The following USP25 variants were observed in gnomAD, a reference collection of about 807,000 sequenced individuals.
USP25 encodes ubiquitin carboxyl-terminal hydrolase 25.
In USP25, 85 loss-of-function variants were observed where a neutral mutation model predicts 158.5. That is an observed-to-expected ratio of 0.54 (90% CI 0.45 to 0.64). USP25 has a LOEUF of 0.64. Ranked by LOEUF, USP25 falls within the 30% of genes least tolerant of loss-of-function variation. The pLI is 0.00. For synonymous variants in USP25, 464 were observed against 460.4 expected, an observed-to-expected ratio of 1.01 and a Z score of -0.10; for missense variants, 1,242 against 1,327.3, an observed-to-expected ratio of 0.94 and a Z score of 1.00.
chr21:15,797,978 GA>G lies in USP25; in HGVS notation c.556-1771del, dbSNP rs537036436. Among the ~76,000 whole-genome samples, 48 of 150,894 alleles carry G rather than the reference GA, an allele frequency of 3.2e-4. 1 individual carries two copies. In the East Asian group the frequency reaches 7.6e-3, roughly 24 times the overall value. On this transcript the variant is annotated intron_variant, in intron 5 of 25. Transcript: ENST00000400183. ...AATTTAGCCATTATAGGCATGCAAGGAAAAAAAACATAATATATATGGAGTT... is the reference window on the plus strand; with the variant it reads ...AATTTAGCCATTATAGGCATGCAAGGAAAAAAACATAATATATATGGAGTT...
At chr21:15,857,305 CG>C (rs2039199902) in intron 20 of USP25, among the ~76,000 whole-genome samples, 2 of 152,084 alleles carry the variant, frequency 1.3e-5, no homozygotes, top group Non-Finnish European at 2.9e-5. Context: ...TTTTCAATAT[CG>C]TGAACATTTT....
chr21:15,747,744 A>G lies in USP25; in HGVS notation c.46-15147A>G, dbSNP rs149250196. ...TGTGGGTGGCATGGAGTGAGATTTCATTATGCACAGCACTCAGTCAGAATA... is the reference window on the plus strand; with the variant it reads ...TGTGGGTGGCATGGAGTGAGATTTCGTTATGCACAGCACTCAGTCAGAATA... On this transcript the variant is annotated intron_variant, in intron 1 of 25. Transcript: ENST00000400183. Among the ~76,000 whole-genome samples the G allele has an allele frequency of 4.7e-3, 715 of 152,314 alleles. 4 individuals carry two copies. Among genetic ancestry groups the G allele is most frequent in the Non-Finnish European group, 8.0e-3 (541 of 68,014 alleles).
intron 20 of USP25, among the ~76,000 whole-genome samples, chr21:15,854,452 G>GT (rs377105382): frequency 2.9e-3 from 442 of 150,900 alleles, no homozygotes; most frequent in Middle Eastern, 0.017. Flanking sequence ...CCGTGTTTTT[G>GT]TTTTTTTTTA....
chr21:15,778,098 A>C, intron 4 of USP25, 71 bp downstream of exon 4: 1 of 1,363,090 alleles, frequency 7.3e-7, no homozygotes, highest in South Asian at 1.7e-5. Context: ...GGGTTAAATT[A>C]ATTTTAAGAG....
intron 17 of USP25, among the ~76,000 whole-genome samples, chr21:15,834,255 A>G (rs1007187137): frequency 1.3e-5 from 2 of 152,206 alleles, no homozygotes; most frequent in African/African-American, 4.8e-5. Flanking sequence ...AAAATTGAAA[A>G]TATATTGTCT....
Position 15,849,890 on chromosome 21 carries a change from A to T in USP25, c.2547+18A>T. The T allele has an allele frequency of 7.0e-7, 1 of 1,438,660 alleles. No homozygotes were observed. Among genetic ancestry groups the T allele is most frequent in the Non-Finnish European group, 9.2e-7 (1 of 1,081,676 alleles). 89.1% of individuals were successfully genotyped at this position (1,438,660 alleles called of 1,614,324 possible). A position where few individuals can be genotyped will look rare whatever the true frequency, so the allele number is the denominator to read the frequency against. On this transcript the variant is annotated intron_variant, in intron 20 of 25. Coordinates refer to ENST00000400183, the MANE Select transcript of USP25 (RefSeq NM_001283041.3). ...TCTTTAAGGTACAATGAACATTTTC[A>T]TTTTCGTGTCTTTTCTTTTTCAAAA... is the stretch of plus-strand genomic sequence containing the variant.
chr21:15,744,592 G>GTTGTTGTTA lies in USP25; in HGVS notation c.45+14162_45+14163insATTGTTGTT, dbSNP rs1455074000. Among the ~76,000 whole-genome samples the GTTGTTGTTA allele has an allele frequency of 1.3e-3, 192 of 151,062 alleles. 1 individual carries two copies. Among genetic ancestry groups the GTTGTTGTTA allele is most frequent in the African/African-American group, 4.4e-3 (181 of 41,024 alleles). ...GCCTCCTAGGGTCTGCAGTTTTGTTGTTGTTGTTGTTTTGGGGCAGAGCTT... is the reference window on the plus strand; with the variant it reads ...GCCTCCTAGGGTCTGCAGTTTTGTTGTTGTTGTTATTGTTGTTGTTTTGGGGCAGAGCTT... On this transcript the variant is annotated intron_variant, in intron 1 of 25. Transcript: ENST00000400183.
intron 20 of USP25, among the ~76,000 whole-genome samples, chr21:15,857,560 T>A (rs1162553433): frequency 6.6e-6 from 1 of 152,168 alleles, no homozygotes; most frequent in Non-Finnish European, 1.5e-5. Context: ...TTATGTTGAC[T>A]GTCATTCATC....
At chr21:15,862,840 AC>A in intron 20 of USP25, among the ~76,000 whole-genome samples, 1 of 147,536 alleles carries the variant, frequency 6.8e-6, no homozygotes, top group East Asian at 2.0e-4. Context: ...CATAGAAAGA[AC>A]ATATTAGCCT....
At chr21:15,739,644 C>T (rs1468053742) in intron 1 of USP25, among the ~76,000 whole-genome samples, 1 of 152,144 alleles carries the variant, frequency 6.6e-6, no homozygotes, top group African/African-American at 2.4e-5. Context: ...TCTTTCTTCC[C>T]CTGACACTGG....
chr21:15,779,766 T>C (rs1414185466), intron 4 of USP25, among the ~76,000 whole-genome samples: 3 of 151,982 alleles, frequency 2.0e-5, no homozygotes, highest in Admixed American at 6.5e-5. Context: ...AATTTAAAAA[T>C]AGTAAATATT....
intron 17 of USP25, among the ~76,000 whole-genome samples, chr21:15,839,612 T>C (rs1223713191): frequency 6.6e-6 from 1 of 152,176 alleles, no homozygotes; most frequent in Admixed American, 6.6e-5. Flanking sequence ...TTTTAAATTT[T>C]CCACATTTTT....
intron 1 of USP25, among the ~76,000 whole-genome samples, chr21:15,730,881 G>GC (rs2030769644): frequency 1.3e-5 from 2 of 151,980 alleles, no homozygotes; most frequent in South Asian, 4.2e-4. Context: ...TACCTGCCTC[G>GC]CGGGGCAGGC....
chr21:15,770,377 G>A (rs1425076311), intron 3 of USP25, among the ~76,000 whole-genome samples: 1 of 152,152 alleles, frequency 6.6e-6, no homozygotes, highest in Non-Finnish European at 1.5e-5. Flanking sequence ...TATTAGATAT[G>A]AACTGTAGAA....
chr21:15,808,863 C>T lies in USP25; in HGVS notation c.835C>T (p.Gln279Ter). 6.2e-7 allele frequency: 1 copy of T among 1,610,736 alleles called. No individual in the cohort carries two copies. Among genetic ancestry groups the T allele is most frequent in the Non-Finnish European group, 8.5e-7 (1 of 1,179,038 alleles). ...ATTAGATTGGTTAGAAGATGCCTTCCAAATGAAAGCTGAAGAGGAGACGTA... is the reference window on the plus strand; with the variant it reads ...ATTAGATTGGTTAGAAGATGCCTTCTAAATGAAAGCTGAAGAGGAGACGTA... Reference protein sequence around the residue: ...KLLDWLEDAFQMKAEEETDEE... With the variant: ...KLLDWLEDAF Residue 279 changes from glutamine to a stop codon, truncating the protein, a stop_gained, in exon 8 of 26, where the codon CAA (glutamine) becomes TAA (stop). Transcript: ENST00000400183. LOFTEE classifies it high-confidence loss of function.
At position 15,767,047 on chromosome 21, in the gene USP25, C is replaced by T. The variant is rs558842189; in HGVS notation, c.268+906C>T. ...TTGTGTCAGAGAAAACTAGAATACT[C>T]CTGTCTCACTTAGTTAATAGGTGAT... On this transcript the variant is annotated intron_variant, in intron 3 of 25. Transcript: ENST00000400183. Among the ~76,000 whole-genome samples, 20 of 152,094 alleles carry T rather than the reference C, an allele frequency of 1.3e-4. No homozygotes were observed. The East Asian group carries it at 3.5e-3, about 26-fold the overall frequency.
chr21:15,842,869 C>T lies in USP25; in HGVS notation c.2337+329C>T, dbSNP rs564880361. ...GTATTTCTCCTGTCTCTCACCCATT[C>T]CTCCATCTGTAATCTGATTACATGG... is the stretch of plus-strand genomic sequence containing the variant. On this transcript the variant is annotated intron_variant, in intron 18 of 25. Transcript: ENST00000400183. Among the ~76,000 whole-genome samples, 4 of 152,208 alleles carry T rather than the reference C, an allele frequency of 2.6e-5. No individual in the cohort carries two copies. The South Asian group carries it at 8.3e-4, about 32-fold the overall frequency.
chr21:15,833,993 C>T (rs1248939956), intron 17 of USP25, among the ~76,000 whole-genome samples: 1 of 152,090 alleles, frequency 6.6e-6, no homozygotes, highest in Non-Finnish European at 1.5e-5. Flanking sequence ...TTCATATATA[C>T]TTTGTGCAAT....
chr21:15,797,247 T>C (rs1030760618), intron 5 of USP25, among the ~76,000 whole-genome samples: 1 of 151,298 alleles, frequency 6.6e-6, no homozygotes, highest in Non-Finnish European at 1.5e-5. Context: ...TATTCCAAAC[T>C]TGAGAAAGAT....
Sources: allele counts gnomAD v4.1 joint callset (sites outside exome capture counted in the v4.1 genomes callset), GRCh38; gene constraint gnomAD v4.1.1; transcripts MANE v1.5; gene names NCBI Gene and HGNC (gene_info 2026-07-23, HGNC 2026-07-21).